CRYBG1: variants seen among roughly 807,000 people sequenced by gnomAD.
The protein encoded by CRYBG1 is beta/gamma crystallin domain-containing protein 1.
CRYBG1 carries 139 observed loss-of-function variants against 189.2 expected under a neutral mutation model. The ratio of observed to expected loss-of-function variants is 0.73; its 90% CI spans 0.64 to 0.85. The LOEUF is 0.85. Ranked by LOEUF, CRYBG1 falls within the 40% of genes least tolerant of loss-of-function variation. CRYBG1 has a pLI of 0.00. For synonymous variants in CRYBG1, 1,023 were observed against 1,017.1 expected (o/e 1.01, Z -0.11); for missense variants, 2,611 against 2,675.8 (o/e 0.98, Z 0.53).
In CRYBG1 at chr6:106,557,407, TA is replaced by T. The variant is rs1183714863; in HGVS notation, c.5716-1078del. On this transcript the variant is annotated intron_variant, in intron 17 of 21. Coordinates refer to ENST00000633556, the MANE Select transcript of CRYBG1 (RefSeq NM_001371242.2). The stretch of plus-strand genomic sequence containing the variant: ...AAAAATTGTAATCCCCACATGCTTT[TA>T]TTTTTTTTTTTTTTGAAATGGAGTC... Among the ~76,000 whole-genome samples, 20 of 45,346 alleles carry T rather than the reference TA, an allele frequency of 4.4e-4. No individual in the cohort carries two copies. In the East Asian group the frequency reaches 6.8e-3, roughly 15 times the overall value. The allele number at this position is 45,346 out of a possible 152,430, so 29.7% of individuals were successfully genotyped here.
chr6:106,447,546 A>AT (rs1771686665), intron 1 of CRYBG1, among the ~76,000 whole-genome samples: 1 of 41,210 alleles, frequency 2.4e-5, no homozygotes. Flanking sequence ...TGTACCTCAT[A>AT]AATATATATA....
intron 2 of CRYBG1, among the ~76,000 whole-genome samples, chr6:106,452,244 T>TAAAAAAAA (rs368102917): frequency 1.8e-5 from 2 of 108,834 alleles, no homozygotes; most frequent in Admixed American, 9.0e-5. Context: ...CAGACTCTAC[T>TAAAAAAAA]AAAAAAAAAA....
intron 1 of CRYBG1, among the ~76,000 whole-genome samples, chr6:106,406,291 G>A (rs895731820): frequency 2.2e-4 from 34 of 151,840 alleles, no homozygotes; most frequent in African/African-American, 7.3e-4. Flanking sequence ...ATTGAAGATC[G>A]ACTTAATGAA....
intron 2 of CRYBG1, among the ~76,000 whole-genome samples, chr6:106,492,099 A>C (rs1357878312): frequency 2.6e-5 from 4 of 152,110 alleles, no homozygotes; most frequent in Admixed American, 6.5e-5. Flanking sequence ...GCACACCCTC[A>C]CTAATCTCTT....
intron 2 of CRYBG1, among the ~76,000 whole-genome samples, chr6:106,453,995 G>A (rs938013361): frequency 3.3e-5 from 5 of 152,126 alleles, no homozygotes; most frequent in Non-Finnish European, 7.4e-5. Context: ...AAGTGTCACT[G>A]GAATGGGGTC....
chr6:106,497,963 T>C (rs774062538), intron 2 of CRYBG1, among the ~76,000 whole-genome samples: 2 of 151,768 alleles, frequency 1.3e-5, no homozygotes, highest in Non-Finnish European at 2.9e-5. Context: ...TAGCTGGGCG[T>C]GGTGGCGCAC....
At chr6:106,401,414 T>C (rs1770717796) in intron 1 of CRYBG1, among the ~76,000 whole-genome samples, 1 of 150,728 alleles carries the variant, frequency 6.6e-6, no homozygotes, top group Admixed American at 6.6e-5. Context: ...TAATTTTCTT[T>C]TTTTATTATA....
At position 106,519,904 on chromosome 6, in the gene CRYBG1, G is replaced by A. The variant is rs767865088; in HGVS notation, c.2696G>A (p.Cys899Tyr). 3 of 1,614,122 alleles carry A rather than the reference G, an allele frequency of 1.9e-6. No individual in the cohort carries two copies. Among genetic ancestry groups the A allele is most frequent in the Non-Finnish European group, 2.5e-6 (3 of 1,180,026 alleles). The change falls in exon 4 of 22, where the codon TGC (cysteine) becomes TAC (tyrosine). Residue 899 changes from cysteine to tyrosine, a missense_variant. By Grantham distance (194) the Cys-to-Tyr change is radical (BLOSUM62 -2). This residue lies in a region of CRYBG1 where 1,622 missense variants were observed against 1,735.0 expected (regional missense o/e 0.93). Coordinates refer to ENST00000633556, the MANE Select transcript of CRYBG1 (RefSeq NM_001371242.2). The stretch of plus-strand genomic sequence containing the variant: ...CAATCACCCATAAGCAGTTTCCCAT[G>A]CACTGATCTAAAAGTGTCAGAAAAC... ...CVQSPISSFPCTDLKVSENHK... is the reference protein window; with the variant it reads ...CVQSPISSFPYTDLKVSENHK...
chr6:106,414,811 A>C (rs144365291), intron 1 of CRYBG1, among the ~76,000 whole-genome samples: 1 of 152,182 alleles, frequency 6.6e-6, no homozygotes. Context: ...AGTCACCTGG[A>C]AACACTATGA....
intron 3 of CRYBG1, among the ~76,000 whole-genome samples, chr6:106,517,473 CATATATATATACACACACACACACAT>C (rs1257755727): frequency 2.7e-5 from 4 of 145,548 alleles, no homozygotes; most frequent in East Asian, 4.4e-4. Context: ...TACACACACA[CATATATATATACACACACACACACAT>C]ATATATATAT....
intron 2 of CRYBG1, among the ~76,000 whole-genome samples, chr6:106,495,638 A>G (rs1234591644): frequency 6.6e-6 from 1 of 152,070 alleles, no homozygotes. Context: ...AATGTCCAGT[A>G]TAGGATCTGC....
chr6:106,378,211 G>A (rs531405578), intron 1 of CRYBG1, among the ~76,000 whole-genome samples: 1 of 152,304 alleles, frequency 6.6e-6, no homozygotes, highest in East Asian at 1.9e-4. Context: ...CAGGTGAGTA[G>A]ACAAAGGGCA....
chr6:106,520,489 G>A lies in CRYBG1; in HGVS notation c.3281G>A (p.Ser1094Asn), dbSNP rs1352696408. The A allele has an allele frequency of 1.2e-6, 2 of 1,614,082 alleles. No homozygotes were observed. The highest frequency in any genetic ancestry group is 2.7e-5 in the African/African-American group (2 of 74,920). Reference sequence around the variant, plus strand: ...AGCCTTTTGAACATTTCTGCTGGTAGTGATGATAGTGTATTTGATTCTTCT... The same window carrying A: ...AGCCTTTTGAACATTTCTGCTGGTAATGATGATAGTGTATTTGATTCTTCT... ...PASLLNISAG[S>N]DDSVFDSSSD... Residue 1094 changes from serine (S) to asparagine (N), a missense_variant, in exon 4 of 22, where the codon AGT becomes AAT. By Grantham distance (46) the Ser-to-Asn change is conservative (BLOSUM62 1). Around this residue, in one of 3 missense-constraint regions of CRYBG1, gnomAD observed 1,622 missense variants for 1,735.0 expected, o/e 0.93. Coordinates refer to ENST00000633556, the MANE Select transcript of CRYBG1 (RefSeq NM_001371242.2).
chr6:106,495,080 C>A (rs1286143863), intron 2 of CRYBG1, among the ~76,000 whole-genome samples: 2 of 152,192 alleles, frequency 1.3e-5, no homozygotes, highest in Admixed American at 6.5e-5. Context: ...GTCTTTTCAG[C>A]AATTTTGGTT....
chr6:106,453,340 A>G (rs1004330756), intron 2 of CRYBG1, among the ~76,000 whole-genome samples: 1 of 152,228 alleles, frequency 6.6e-6, no homozygotes, highest in Non-Finnish European at 1.5e-5. Flanking sequence ...TCAAAATAGC[A>G]TAATATCAAT....
chr6:106,489,741 C>A (rs1196867874), intron 2 of CRYBG1, among the ~76,000 whole-genome samples: 1 of 54,322 alleles, frequency 1.8e-5, no homozygotes, highest in Middle Eastern at 0.02. Context: ...TGCAGTGAAA[C>A]AAGATTGTGC....
In CRYBG1 at chr6:106,520,598, GC is replaced by G. The variant is rs772501819; in HGVS notation, c.3392del (p.Pro1131GlnfsTer18). 8.7e-6 allele frequency: 14 copies of G among 1,614,010 alleles called. No homozygotes were observed. The East Asian group carries it at 1.1e-4, about 13-fold the overall frequency. ...MPMKRKKARM[P>X]NSPAPHFAMP... ...CCATGAAAAGAAAGAAGGCCAGGAT[GC>G]CAAACTCTCCTGCTCCTCACTTTGC... On this transcript the variant is annotated frameshift_variant, in exon 4 of 22. Transcript: ENST00000633556. LOFTEE classifies it high-confidence loss of function.
intron 19 of CRYBG1, among the ~76,000 whole-genome samples, 163 bp downstream of exon 19, chr6:106,561,089 G>C (rs910642872): frequency 1.3e-5 from 2 of 152,234 alleles, no homozygotes; most frequent in African/African-American, 2.4e-5. Flanking sequence ...CTGGTGCTAA[G>C]AGGTGTGGCT....
In CRYBG1 at chr6:106,549,694, G is replaced by C. The variant is rs934204917; in HGVS notation, c.5313-2158G>C. 2.0e-5 allele frequency among the ~76,000 whole-genome samples: 3 copies of C among 152,180 alleles called. No individual in the cohort carries two copies. The East Asian group carries it at 5.8e-4, about 29-fold the overall frequency. On this transcript the variant is annotated intron_variant, in intron 13 of 21. Transcript: ENST00000633556. ...GCTGTATTTCCTGAAAGACTGAGTGGTGCATATAGCAGCTTCTCCATTTGG... is the reference window on the plus strand; with the variant it reads ...GCTGTATTTCCTGAAAGACTGAGTGCTGCATATAGCAGCTTCTCCATTTGG...
Sources: gnomAD v4.1 joint callset for allele counts (sites outside exome capture counted in the v4.1 genomes callset) on GRCh38, gnomAD v4.1.1 for gene constraint, gnomAD v4.1.1 regional missense constraint, MANE v1.5 for transcripts, NCBI Gene and HGNC (gene_info 2026-07-23, HGNC 2026-07-21) for gene names.